Variants in RBFOX1 observed in about 807,000 individuals in gnomAD.
The protein encoded by RBFOX1 is RNA binding fox-1 homolog 1, also known as RNA binding protein fox-1 homolog 1.
A neutral mutation model predicts 57.7 loss-of-function variants in RBFOX1; 8 were observed. The ratio of observed to expected loss-of-function variants is 0.14; its 90% CI spans 0.08 to 0.25. The LOEUF (loss-of-function observed/expected upper bound fraction) is 0.25, where lower values mean the gene tolerates loss of function less well. RBFOX1 is among the 10% of genes least tolerant of loss of function. The probability of loss-of-function intolerance (pLI) is 1.00; values close to 1 mark genes in which losing one functional copy is unlikely to be tolerated. For missense variants in RBFOX1, 611 were observed against 548.5 expected, an observed-to-expected ratio of 1.11 and a Z score of -1.14; for synonymous variants, 326 against 222.4, an observed-to-expected ratio of 1.47 and a Z score of -4.15.
At chr16:5,758,787 A>G (rs1053949322) in intron 3 of RBFOX1, among the ~76,000 whole-genome samples, 1 of 152,156 alleles carries the variant, frequency 6.6e-6, no homozygotes, top group Non-Finnish European at 1.5e-5. Flanking sequence ...ATAGGGTGGG[A>G]GAAAGGTTAT....
chr16:6,628,169 C>G (rs973562035), intron 2 of RBFOX1, among the ~76,000 whole-genome samples: 28 of 152,212 alleles, frequency 1.8e-4, no homozygotes, highest in African/African-American at 6.5e-4. Context: ...TCTGCCTCTT[C>G]CTGCTTACGG....
chr16:6,141,703 G>T (rs561436485), intron 1 of RBFOX1, among the ~76,000 whole-genome samples: 1 of 147,784 alleles, frequency 6.8e-6, no homozygotes, highest in South Asian at 2.1e-4. Context: ...ATTACAATAA[G>T]TTTCTTTTAA....
At chr16:6,523,985 T>C (rs9926638) in intron 2 of RBFOX1, among the ~76,000 whole-genome samples, 2 of 151,988 alleles carry the variant, frequency 1.3e-5, no homozygotes, top group Non-Finnish European at 2.9e-5. Context: ...CCCTCATGCA[T>C]TTATCCTTTG....
chr16:5,992,538 A>ATGTGTGTGTGCT (rs925966923), intron 4 of RBFOX1, among the ~76,000 whole-genome samples: 5 of 152,038 alleles, frequency 3.3e-5, no homozygotes, highest in Non-Finnish European at 5.9e-5. Flanking sequence ...GTGTGCATGT[A>ATGTGTGTGTGCT]TGTGTGTGTG....
intron 3 of RBFOX1, among the ~76,000 whole-genome samples, chr16:6,768,701 A>G (rs1279108967): frequency 2.0e-5 from 3 of 149,776 alleles, no homozygotes; most frequent in Non-Finnish European, 4.4e-5. Flanking sequence ...GTACCTATAT[A>G]TATATATGTA....
chr16:5,313,939 T>TG (rs1470454980), intron 1 of RBFOX1, among the ~76,000 whole-genome samples: 2 of 152,134 alleles, frequency 1.3e-5, no homozygotes, highest in Non-Finnish European at 1.5e-5. Flanking sequence ...ATGAAATGTA[T>TG]GGGATGTTTT....
intron 2 of RBFOX1, among the ~76,000 whole-genome samples, chr16:5,581,915 G>A (rs1596338121): frequency 6.6e-6 from 1 of 152,228 alleles, no homozygotes; most frequent in South Asian, 2.1e-4. Context: ...CAAGGACGCT[G>A]TAATGTAGAT....
intron 4 of RBFOX1, among the ~76,000 whole-genome samples, chr16:7,162,579 A>C (rs141879291): frequency 1.1e-4 from 17 of 151,412 alleles, no homozygotes; most frequent in Non-Finnish European, 2.1e-4. Context: ...AAAAAAAAAA[A>C]AAAAAAACAT....
At chr16:7,356,702 T>G (rs1176643816) in intron 4 of RBFOX1, among the ~76,000 whole-genome samples, 1 of 152,256 alleles carries the variant, frequency 6.6e-6, no homozygotes, top group African/African-American at 2.4e-5. Flanking sequence ...ATGAATACTT[T>G]GCTTTTTAAA....
intron 11 of RBFOX1, among the ~76,000 whole-genome samples, 154 bp from the exon 12 acceptor site, chr16:7,653,661 G>GCTCTCTGCTTT (rs1394915049): frequency 1.3e-5 from 2 of 152,188 alleles, no homozygotes; most frequent in Admixed American, 6.5e-5. Context: ...CCACCGTGCT[G>GCTCTCTGCTTT]CTCTCTGCTT....
At chr16:7,355,203 G>A (rs1304472021) in intron 4 of RBFOX1, among the ~76,000 whole-genome samples, 1 of 152,096 alleles carries the variant, frequency 6.6e-6, no homozygotes, top group Non-Finnish European at 1.5e-5. Flanking sequence ...CCCATCAGTT[G>A]GCTTTGTGCT....
intron 2 of RBFOX1, among the ~76,000 whole-genome samples, chr16:6,512,372 A>G (rs1333440596): frequency 6.6e-6 from 1 of 152,048 alleles, no homozygotes; most frequent in Non-Finnish European, 1.5e-5. Flanking sequence ...TAAAACTTCA[A>G]TCAAGAGTGC....
intron 1 of RBFOX1, among the ~76,000 whole-genome samples, chr16:6,021,494 A>C (rs2095075985): frequency 6.6e-6 from 1 of 152,156 alleles, no homozygotes. Context: ...GTGAAGGGTA[A>C]AGGTGGTGCT....
intron 1 of RBFOX1, among the ~76,000 whole-genome samples, chr16:6,208,904 G>C (rs1029762304): frequency 6.6e-6 from 1 of 152,022 alleles, no homozygotes; most frequent in African/African-American, 2.4e-5. Context: ...AGGAGGCTAA[G>C]TATCTGTTTA....
chr16:5,564,016 A>G, intron 2 of RBFOX1, among the ~76,000 whole-genome samples: 1 of 151,948 alleles, frequency 6.6e-6, no homozygotes, highest in Non-Finnish European at 1.5e-5. Context: ...GTTTTTTTAA[A>G]AAATTTTTTT....
chr16:7,418,121 G>A (rs976648703), intron 4 of RBFOX1, among the ~76,000 whole-genome samples: 2 of 151,988 alleles, frequency 1.3e-5, no homozygotes, highest in Non-Finnish European at 2.9e-5. Flanking sequence ...TCTCCCCCAC[G>A]GCCAACCTAG....
At chr16:6,528,699 C>A (rs1280510338) in intron 2 of RBFOX1, among the ~76,000 whole-genome samples, 6 of 152,276 alleles carry the variant, frequency 3.9e-5, no homozygotes, top group African/African-American at 1.4e-4. Flanking sequence ...GTTTCTCAAC[C>A]ACTCCAGTAT....
intron 2 of RBFOX1, among the ~76,000 whole-genome samples, chr16:6,527,177 A>G (rs1032973747): frequency 1.3e-5 from 2 of 152,194 alleles, no homozygotes; most frequent in Admixed American, 1.3e-4. Flanking sequence ...GGATATAGGG[A>G]AAAAGTAAGT....
intron 3 of RBFOX1, among the ~76,000 whole-genome samples, chr16:5,627,882 C>T (rs992125751): frequency 6.6e-6 from 1 of 152,152 alleles, no homozygotes; most frequent in Non-Finnish European, 1.5e-5. Context: ...ATTTTAGTAT[C>T]CACAAGGGGG....
Sources: allele counts gnomAD v4.1 joint callset (sites outside exome capture counted in the v4.1 genomes callset), GRCh38; gene constraint gnomAD v4.1.1; transcripts MANE v1.5; gene names NCBI Gene and HGNC (gene_info 2026-07-23, HGNC 2026-07-21).